GRM7: variants seen among roughly 807,000 people sequenced by gnomAD.
The protein encoded by GRM7 is metabotropic glutamate receptor 7.
Under a neutral mutation model 84.5 loss-of-function variants are expected in GRM7, and 35 were observed. The ratio of observed to expected loss-of-function variants is 0.41; its 90% confidence interval spans 0.32 to 0.55. The LOEUF is 0.55. GRM7 is among the 20% of genes least tolerant of loss of function. GRM7 has a pLI of 0.19. For missense variants in GRM7, 1,003 were observed against 1,194.6 expected, an observed-to-expected ratio of 0.84 and a Z score of 2.36; for synonymous variants, 487 against 455.1, an observed-to-expected ratio of 1.07 and a Z score of -0.89.
intron 7 of GRM7, among the ~76,000 whole-genome samples, chr3:7,477,753 C>T (rs1698980802): frequency 4.6e-5 from 7 of 152,122 alleles, no homozygotes; most frequent in Admixed American, 3.3e-4. Context: ...TTTCTTCTAG[C>T]CATTTCTCAT....
intron 7 of GRM7, among the ~76,000 whole-genome samples, chr3:7,529,282 C>A (rs1053048829): frequency 6.6e-6 from 1 of 152,056 alleles, no homozygotes; most frequent in Non-Finnish European, 1.5e-5. Context: ...TAATTACTGA[C>A]ACATGATAGG....
At chr3:7,177,267 A>T (rs958865022) in intron 2 of GRM7, among the ~76,000 whole-genome samples, 2 of 152,138 alleles carry the variant, frequency 1.3e-5, no homozygotes, top group Admixed American at 1.3e-4. Context: ...TTTTTGCTCC[A>T]TGCAATCAAG....
chr3:7,303,642 T>C (rs1269129800), intron 3 of GRM7, among the ~76,000 whole-genome samples: 1 of 152,122 alleles, frequency 6.6e-6, no homozygotes, highest in East Asian at 1.9e-4. Flanking sequence ...GGAGTTAATA[T>C]GACAGTCTTC....
intron 2 of GRM7, among the ~76,000 whole-genome samples, chr3:7,164,082 C>T (rs1023793279): frequency 6.6e-6 from 1 of 152,066 alleles, no homozygotes; most frequent in African/African-American, 2.4e-5. Flanking sequence ...ACCATAGCCA[C>T]ATGCAGTGGC....
intron 2 of GRM7, among the ~76,000 whole-genome samples, chr3:7,164,073 C>A (rs1694719569): frequency 6.6e-6 from 1 of 152,096 alleles, no homozygotes; most frequent in Non-Finnish European, 1.5e-5. Flanking sequence ...AAAATTAAAA[C>A]CATAGCCACA....
chr3:7,427,234 C>G (rs1341265483), intron 5 of GRM7, among the ~76,000 whole-genome samples: 3 of 152,156 alleles, frequency 2.0e-5, no homozygotes, highest in Non-Finnish European at 2.9e-5. Context: ...GCCATTTGTT[C>G]TTTAAAATGA....
chr3:7,471,796 C>T (rs1698713358), intron 7 of GRM7, among the ~76,000 whole-genome samples: 1 of 152,126 alleles, frequency 6.6e-6, no homozygotes, highest in African/African-American at 2.4e-5. Context: ...ATTATTTTGC[C>T]TACCATAGTT....
chr3:7,228,348 C>T (rs1325759590), intron 2 of GRM7, among the ~76,000 whole-genome samples: 1 of 151,662 alleles, frequency 6.6e-6, no homozygotes, highest in Non-Finnish European at 1.5e-5. Flanking sequence ...TATCGATTCT[C>T]TCATAGCATT....
chr3:7,361,514 T>A lies in GRM7; in HGVS notation c.1034-53509T>A, dbSNP rs188001159. ...TTGCTTTTCCAGTTTCCTAAACAGT[T>A]CTTGCTAAGACTCACATTTCTGTTT... On this transcript the variant is annotated intron_variant, in intron 4 of 9. Coordinates refer to ENST00000357716, the MANE Select transcript of GRM7 (RefSeq NM_000844.4). 1.1e-4 allele frequency among the ~76,000 whole-genome samples: 17 copies of A among 152,262 alleles called. No individual in the cohort carries two copies. The East Asian group carries it at 2.9e-3, about 26-fold the overall frequency.
In GRM7 at chr3:7,502,844, A is replaced by C. The variant is rs112070779; in HGVS notation, c.1515+41122A>C. Among the ~76,000 whole-genome samples the C allele has an allele frequency of 8.9e-3, 1,351 of 152,308 alleles. 18 individuals are homozygous for C. Among genetic ancestry groups the C allele is most frequent in the African/African-American group, 0.031 (1,278 of 41,570 alleles). On this transcript the variant is annotated intron_variant, in intron 7 of 9. Coordinates refer to ENST00000357716, the MANE Select transcript of GRM7 (RefSeq NM_000844.4). ...TGTTGCTGTTGTTTGCATATTCATC[A>C]ACATCATTTTAATTCTAACGCAACC...
chr3:7,064,916 G>GCAAAGAAATA (rs1357746622), intron 1 of GRM7, among the ~76,000 whole-genome samples: 2 of 151,780 alleles, frequency 1.3e-5, no homozygotes, highest in African/African-American at 4.8e-5. Flanking sequence ...TTGTGGTTTT[G>GCAAAGAAATA]ATTTACATTT....
chr3:7,201,201 C>A (rs1484909890), intron 2 of GRM7, among the ~76,000 whole-genome samples: 1 of 152,084 alleles, frequency 6.6e-6, no homozygotes, highest in Admixed American at 6.6e-5. Context: ...GATCTTCTGA[C>A]CTCGTGATCT....
chr3:7,279,806 T>C (rs1197894020), intron 2 of GRM7, among the ~76,000 whole-genome samples: 1 of 152,170 alleles, frequency 6.6e-6, no homozygotes, highest in Admixed American at 6.5e-5. Context: ...TATGTCTGTG[T>C]GTGTGAGAAA....
At chr3:6,943,972 A>G (rs1284091875) in intron 1 of GRM7, among the ~76,000 whole-genome samples, 2 of 152,056 alleles carry the variant, frequency 1.3e-5, no homozygotes, top group Non-Finnish European at 2.9e-5. Flanking sequence ...ACTATTTTCA[A>G]TTCTTTATTT....
At position 7,312,158 on chromosome 3, in the gene GRM7, G is replaced by A. The variant is rs533566656; in HGVS notation, c.1033+5506G>A. 3.3e-5 allele frequency among the ~76,000 whole-genome samples: 5 copies of A among 152,274 alleles called. No individual in the cohort carries two copies. In the South Asian group the frequency reaches 8.3e-4, roughly 25 times the overall value. ...TTTGGTAGCATTTAGGACACTAGGA[G>A]CAGTGCTTTGGAACTTTTTAACAGC... On this transcript the variant is annotated intron_variant, in intron 4 of 9. Coordinates refer to ENST00000357716, the MANE Select transcript of GRM7 (RefSeq NM_000844.4).
intron 1 of GRM7, among the ~76,000 whole-genome samples, chr3:7,132,340 A>G (rs1693629402): frequency 6.6e-6 from 1 of 152,192 alleles, no homozygotes; most frequent in South Asian, 2.1e-4. Context: ...TTATGTATTC[A>G]TTATTTAAAT....
At chr3:7,009,506 AGATATAAAGTAT>A (rs1280668941) in intron 1 of GRM7, among the ~76,000 whole-genome samples, 3 of 152,242 alleles carry the variant, frequency 2.0e-5, no homozygotes, top group Admixed American at 6.5e-5. Context: ...AATGATAAGT[AGATATAAAGTAT>A]GATATAAAGT....
chr3:6,920,318 G>A (rs1478463434), intron 1 of GRM7, among the ~76,000 whole-genome samples: 1 of 152,088 alleles, frequency 6.6e-6, no homozygotes, highest in African/African-American at 2.4e-5. Flanking sequence ...ACTTTGGGAG[G>A]CCGAGGCGAG....
At chr3:7,652,421 T>C (rs1698986721) in intron 8 of GRM7, among the ~76,000 whole-genome samples, 1 of 152,202 alleles carries the variant, frequency 6.6e-6, no homozygotes, top group African/African-American at 2.4e-5. Context: ...ATTTGTTCAA[T>C]AAACAGACTC....
Sources: allele counts gnomAD v4.1 joint callset (sites outside exome capture counted in the v4.1 genomes callset), GRCh38; gene constraint gnomAD v4.1.1; transcripts MANE v1.5; gene names NCBI Gene and HGNC (gene_info 2026-07-23, HGNC 2026-07-21).